The following XPO4 variants were observed in gnomAD, a reference collection of about 807,000 sequenced individuals.
XPO4 encodes the protein exportin-4.
Under a neutral mutation model 143.0 loss-of-function variants are expected in XPO4, and 39 were observed. That is an observed-to-expected ratio of 0.27 (90% confidence interval 0.21 to 0.36). The LOEUF is 0.36. XPO4 is among the 10% of genes least tolerant of loss of function. The probability of loss-of-function intolerance (pLI) is 1.00; values close to 1 mark genes in which losing one functional copy is unlikely to be tolerated. For missense variants in XPO4, 907 were observed against 1,348.0 expected (o/e 0.67, Z 5.12); for synonymous variants, 439 against 474.0 (o/e 0.93, Z 0.96).
chr13:20,887,499 G>A (rs1328668947), intron 1 of XPO4, among the ~76,000 whole-genome samples: 1 of 152,064 alleles, frequency 6.6e-6, no homozygotes, highest in Non-Finnish European at 1.5e-5. Context: ...TAATAATGAC[G>A]ATAATAATAT....
intron 1 of XPO4, among the ~76,000 whole-genome samples, chr13:20,874,004 G>A (rs1299469367): frequency 6.6e-6 from 1 of 152,148 alleles, no homozygotes; most frequent in Non-Finnish European, 1.5e-5. Flanking sequence ...ACAGGATTCA[G>A]AAATTGTTGC....
chr13:20,884,049 A>C (rs984422319), intron 1 of XPO4, among the ~76,000 whole-genome samples: 5 of 152,196 alleles, frequency 3.3e-5, no homozygotes, highest in Admixed American at 6.5e-5. Flanking sequence ...TACAGGCATG[A>C]GCCACCACAC....
intron 1 of XPO4, among the ~76,000 whole-genome samples, chr13:20,887,563 A>G (rs2060472552): frequency 6.6e-6 from 1 of 152,160 alleles, no homozygotes; most frequent in Non-Finnish European, 1.5e-5. Flanking sequence ...TAAGATTAGA[A>G]AATAAACAAG....
intron 6 of XPO4, among the ~76,000 whole-genome samples, chr13:20,838,509 C>T (rs1427766750): frequency 6.7e-6 from 1 of 149,120 alleles, no homozygotes; most frequent in African/African-American, 2.5e-5. Flanking sequence ...ACTCAGGAGG[C>T]TGAGGCAGGA....
At chr13:20,870,535 G>A (rs531547871) in intron 1 of XPO4, among the ~76,000 whole-genome samples, 6 of 152,066 alleles carry the variant, frequency 3.9e-5, no homozygotes, top group African/African-American at 1.2e-4. Flanking sequence ...TAGATCACCT[G>A]CCTGGCCAAC....
At chr13:20,877,501 A>ACTGT (rs2060364348) in intron 1 of XPO4, among the ~76,000 whole-genome samples, 1 of 152,212 alleles carries the variant, frequency 6.6e-6, no homozygotes, top group South Asian at 2.1e-4. Flanking sequence ...TAGTTCTACT[A>ACTGT]ATCATCTGGG....
intron 3 of XPO4, chr13:20,856,749 A>G (rs1012905740): frequency 5.1e-6 from 4 of 782,820 alleles, no homozygotes; most frequent in Non-Finnish European, 6.2e-6. Flanking sequence ...TTCCACACAC[A>G]CGCACAACTG....
intron 2 of XPO4, among the ~76,000 whole-genome samples, chr13:20,866,626 T>G (rs1025541149): frequency 6.6e-6 from 1 of 152,232 alleles, no homozygotes; most frequent in Non-Finnish European, 1.5e-5. Context: ...TTGCAGTACA[T>G]TAATGATTAT....
At chr13:20,844,870 C>A (rs1223262806) in intron 4 of XPO4, among the ~76,000 whole-genome samples, 1 of 152,208 alleles carries the variant, frequency 6.6e-6, no homozygotes, top group Non-Finnish European at 1.5e-5. Context: ...TGAAATTTTT[C>A]TTTAAAAAAT....
At chr13:20,788,413 TAAA>T in intron 20 of XPO4, 70 bp downstream of exon 20, 1 of 1,549,516 alleles carries the variant, frequency 6.5e-7, no homozygotes, top group Non-Finnish European at 8.7e-7. Flanking sequence ...AATGTAAACT[TAAA>T]AAACTTTTCT....
At chr13:20,885,416 A>G (rs1438203493) in intron 1 of XPO4, among the ~76,000 whole-genome samples, 1 of 152,206 alleles carries the variant, frequency 6.6e-6, no homozygotes, top group Non-Finnish European at 1.5e-5. Context: ...AATGAGAAAC[A>G]AAAGATTATC....
At chr13:20,892,895 A>T (rs551432135) in intron 1 of XPO4, among the ~76,000 whole-genome samples, 4 of 151,850 alleles carry the variant, frequency 2.6e-5, no homozygotes, top group South Asian at 4.2e-4. Context: ...AAAATAAAAA[A>T]AAAAAAATAA....
chr13:20,796,875 A>G lies in XPO4; in HGVS notation c.2505T>C (p.Leu835=). The change falls in exon 17 of 23, where the codon CTT becomes CTC. Residue 835 remains leucine (L), a synonymous_variant. Coordinates refer to ENST00000255305, the MANE Select transcript of XPO4 (RefSeq NM_022459.5). ...CTTCCATCAATCCAATGCAATTGGT[A>G]AGGAAGTCCATTAAAAAATTAAACA... is the stretch of plus-strand genomic sequence containing the variant. ...AILFNFLMDF[L]TNCIGLMEVY... is the part of the protein sequence containing the mutation. 6.2e-7 allele frequency: 1 copy of G among 1,614,124 alleles called. No homozygotes were observed. The highest frequency in any genetic ancestry group is 1.6e-4 in the Middle Eastern group (1 of 6,062).
intron 3 of XPO4, among the ~76,000 whole-genome samples, chr13:20,860,227 C>T (rs1178106716): frequency 6.6e-6 from 1 of 152,226 alleles, no homozygotes; most frequent in East Asian, 1.9e-4. Flanking sequence ...AAATAGACTG[C>T]TCTTCAGAAA....
intron 1 of XPO4, among the ~76,000 whole-genome samples, chr13:20,884,627 G>A (rs1351952886): frequency 6.6e-6 from 1 of 152,012 alleles, no homozygotes; most frequent in Non-Finnish European, 1.5e-5. Context: ...TACCCAGGCT[G>A]GTCTCAAAAT....
intron 6 of XPO4, among the ~76,000 whole-genome samples, chr13:20,832,838 G>C (rs1016600529): frequency 2.0e-5 from 3 of 151,952 alleles, no homozygotes; most frequent in Admixed American, 2.0e-4. Flanking sequence ...GGCTTTACTG[G>C]AAATCCAATT....
rs531843369 is a variant in XPO4 at position 20,781,612 on chromosome 13, G to A, written c.*2110C>T. On this transcript the variant is annotated 3_prime_UTR_variant, in exon 23 of 23. Transcript: ENST00000255305. ...CAAATATGTTGCCATCTGGATAAAA[G>A]TTATTAAATATAGATGCCTTTTTAC... The A allele has an allele frequency of 4.6e-5, 7 of 152,588 alleles. No homozygotes were observed. Among genetic ancestry groups the A allele is most frequent in the East Asian group, 1.9e-4 (1 of 5,188 alleles). 9.5% of individuals were successfully genotyped at this position (152,588 alleles called of 1,614,324 possible).
Position 20,800,248 on chromosome 13 carries a change from T to G in XPO4, c.2055A>C (p.Lys685Asn), listed in dbSNP as rs1379365803. 5 of 1,614,054 alleles carry G rather than the reference T, an allele frequency of 3.1e-6. No homozygotes were observed. ...TCCAGACTGAGAGGTTACTGATGAC[T>G]TTTTGTAAGAGGTAGCCAATTATCC... ...SQWIIGYLLQ[K>N]VISNLSVWSS... The change falls in exon 15 of 23, where the codon AAA becomes AAC. Residue 685 changes from lysine to asparagine, a missense_variant. Lys to Asn is a moderately conservative substitution (Grantham distance 94). Coordinates refer to ENST00000255305, the MANE Select transcript of XPO4 (RefSeq NM_022459.5).
intron 1 of XPO4, among the ~76,000 whole-genome samples, chr13:20,888,795 G>C (rs2060483770): frequency 6.6e-6 from 1 of 151,766 alleles, no homozygotes; most frequent in African/African-American, 2.4e-5. Flanking sequence ...AGAGGATGAA[G>C]GCAAAAAGAC....
Sources: allele counts gnomAD v4.1 joint callset (sites outside exome capture counted in the v4.1 genomes callset), GRCh38; gene constraint gnomAD v4.1.1; transcripts MANE v1.5; gene names NCBI Gene and HGNC (gene_info 2026-07-23, HGNC 2026-07-21).